PLXNA2: variants seen among roughly 807,000 people sequenced by gnomAD.
PLXNA2 encodes plexin-A2.
In PLXNA2, 91 loss-of-function variants were observed where a neutral mutation model predicts 193.5. The observed-to-expected ratio is 0.47, with a 90% CI of 0.40 to 0.56. PLXNA2 has a LOEUF of 0.56. Among genes scored for constraint, PLXNA2 ranks in the 20% least tolerant of loss-of-function variants. The pLI, the probability that PLXNA2 is intolerant of heterozygous loss-of-function variation, is 0.00. For missense variants in PLXNA2, 1,995 were observed against 2,503.2 expected (o/e 0.80, Z 4.33); for synonymous variants, 997 against 1,027.3 (o/e 0.97, Z 0.56).
intron 3 of PLXNA2, among the ~76,000 whole-genome samples, chr1:208,158,242 A>G (rs1248570373): frequency 6.6e-6 from 1 of 151,838 alleles, no homozygotes; most frequent in Non-Finnish European, 1.5e-5. Context: ...TTTACTCAAA[A>G]TCTCCTCTTA....
intron 4 of PLXNA2, among the ~76,000 whole-genome samples, chr1:208,131,139 G>A (rs755746338): frequency 2.6e-5 from 4 of 152,104 alleles, no homozygotes; most frequent in African/African-American, 7.2e-5. Context: ...CACATACAGA[G>A]GGACCTTGCC....
At chr1:208,160,870 C>T (rs1241950857) in intron 3 of PLXNA2, among the ~76,000 whole-genome samples, 1 of 152,256 alleles carries the variant, frequency 6.6e-6, no homozygotes, top group Non-Finnish European at 1.5e-5. Flanking sequence ...CTCTCCACTG[C>T]TATTTTAAAA....
chr1:208,058,145 G>A (rs547279899), intron 13 of PLXNA2, among the ~76,000 whole-genome samples: 5 of 152,140 alleles, frequency 3.3e-5, no homozygotes, highest in Non-Finnish European at 7.4e-5. Context: ...CATCCATCCC[G>A]CAATGGCTGA....
At chr1:208,179,046 C>T (rs1453508586) in intron 3 of PLXNA2, among the ~76,000 whole-genome samples, 1 of 152,204 alleles carries the variant, frequency 6.6e-6, no homozygotes, top group African/African-American at 2.4e-5. Context: ...CACACAGCAT[C>T]CCCACAAGCA....
At position 208,072,976 on chromosome 1, in the gene PLXNA2, C is replaced by T. The variant is rs142030205; in HGVS notation, c.2586+6284G>A. ...CCAAGGAATAGCCCTCCATCCCCCT[C>T]ACCATGGTGTGGTGGAGGAAGTCGG... On this transcript the variant is annotated intron_variant, in intron 12 of 31. Transcript: ENST00000367033. 2.8e-3 allele frequency among the ~76,000 whole-genome samples: 419 copies of T among 152,346 alleles called. 2 individuals carry two copies. Among genetic ancestry groups the T allele is most frequent in the Non-Finnish European group, 4.4e-3 (302 of 68,032 alleles).
intron 4 of PLXNA2, among the ~76,000 whole-genome samples, chr1:208,118,471 G>T (rs17187106): frequency 0.055 from 8,446 of 152,318 alleles, 278 homozygotes; most frequent in Non-Finnish European, 0.073. Context: ...TAAGGCTGCA[G>T]TCAGGAACTG....
chr1:208,091,916 C>T (rs1447790063), intron 9 of PLXNA2, among the ~76,000 whole-genome samples: 1 of 150,538 alleles, frequency 6.6e-6, no homozygotes, highest in Non-Finnish European at 1.5e-5. Flanking sequence ...GCTACATTGT[C>T]ACTTATTACC....
At chr1:208,101,604 A>C (rs1013425266) in intron 5 of PLXNA2, among the ~76,000 whole-genome samples, 1 of 152,268 alleles carries the variant, frequency 6.6e-6, no homozygotes, top group Non-Finnish European at 1.5e-5. Context: ...GACCTGCACC[A>C]GGAGGAAGAC....
In PLXNA2 at chr1:208,045,894, G is replaced by T; in HGVS notation, c.3479C>A (p.Ser1160Ter). The change falls in exon 18 of 32, where the codon TCG becomes TAG. Residue 1160 changes from serine to a stop codon, truncating the protein, a stop_gained. Transcript: ENST00000367033. LOFTEE classifies it high-confidence loss of function. ...PTGVLDQKPGSPIILKGKNLC... is the reference protein window; with the variant it reads ...PTGVLDQKPG ...CACTCCTACCTTCAGAATGATGGGC[G>T]ATCCTGGCTTTTGATCCAAGACTCC... 6.2e-7 allele frequency: 1 copy of T among 1,614,244 alleles called. No individual in the cohort carries two copies. Among genetic ancestry groups the T allele is most frequent in the Non-Finnish European group, 8.5e-7 (1 of 1,180,030 alleles).
chr1:208,143,381 G>A (rs1027174809), intron 3 of PLXNA2, among the ~76,000 whole-genome samples: 3 of 152,336 alleles, frequency 2.0e-5, no homozygotes, highest in Admixed American at 6.5e-5. Context: ...GGGCATGAGG[G>A]CTGAGAATGT....
At chr1:208,071,758 T>A (rs1665985908) in intron 12 of PLXNA2, among the ~76,000 whole-genome samples, 1 of 152,230 alleles carries the variant, frequency 6.6e-6, no homozygotes, top group Admixed American at 6.5e-5. Context: ...GATGTTATAT[T>A]AATGAGGCCT....
At position 208,211,415 on chromosome 1, in the gene PLXNA2, C is replaced by T. The variant is rs181597541; in HGVS notation, c.1189-953G>A. 5.5e-3 allele frequency among the ~76,000 whole-genome samples: 830 copies of T among 152,194 alleles called. 10 individuals carry two copies. Among genetic ancestry groups the T allele is most frequent in the African/African-American group, 0.019 (792 of 41,540 alleles). ...GAGCAAGTGAAAAAAAAATTGTGGC[C>T]GGGCACGGTGGCTCACGCCTGTAAT... is the stretch of plus-strand genomic sequence containing the variant. On this transcript the variant is annotated intron_variant, in intron 2 of 31. Transcript: ENST00000367033.
chr1:208,175,733 T>C (rs1336104775), intron 3 of PLXNA2, among the ~76,000 whole-genome samples: 1 of 152,192 alleles, frequency 6.6e-6, no homozygotes, highest in East Asian at 1.9e-4. Flanking sequence ...AGGTCATCCA[T>C]AGCCCCAGGG....
chr1:208,211,104 T>A (rs200048899), intron 2 of PLXNA2, among the ~76,000 whole-genome samples: 1 of 152,242 alleles, frequency 6.6e-6, no homozygotes, highest in East Asian at 1.9e-4. Flanking sequence ...GAAAAGTTAA[T>A]CTACCTATGC....
intron 4 of PLXNA2, among the ~76,000 whole-genome samples, chr1:208,133,313 T>C (rs933450584): frequency 2.6e-5 from 4 of 152,256 alleles, no homozygotes; most frequent in Admixed American, 2.6e-4. Context: ...GATTTATCTA[T>C]ACATCATTGC....
At chr1:208,123,055 C>T (rs182496693) in intron 4 of PLXNA2, among the ~76,000 whole-genome samples, 1 of 152,276 alleles carries the variant, frequency 6.6e-6, no homozygotes, top group Admixed American at 6.5e-5. Flanking sequence ...AAACCCCATA[C>T]CCATTAGTAG....
chr1:208,155,499 C>T (rs1668910891), intron 3 of PLXNA2, among the ~76,000 whole-genome samples: 1 of 152,162 alleles, frequency 6.6e-6, no homozygotes, highest in African/African-American at 2.4e-5. Context: ...ATTTTTTTCT[C>T]TTAAAAGAGT....
At chr1:208,120,859 G>A (rs1319637655) in intron 4 of PLXNA2, among the ~76,000 whole-genome samples, 2 of 152,116 alleles carry the variant, frequency 1.3e-5, no homozygotes, top group African/African-American at 4.8e-5. Context: ...TCACCTTTGG[G>A]TCTGAGAGCA....
chr1:208,220,390 T>C (rs967258143), intron 1 of PLXNA2, among the ~76,000 whole-genome samples: 1 of 152,162 alleles, frequency 6.6e-6, no homozygotes, highest in Non-Finnish European at 1.5e-5. Context: ...CCTCTTAGCA[T>C]GGTTGCAGGC....
Sources: gnomAD v4.1 joint callset for allele counts (sites outside exome capture counted in the v4.1 genomes callset) on GRCh38, gnomAD v4.1.1 for gene constraint, MANE v1.5 for transcripts, NCBI Gene and HGNC (gene_info 2026-07-23, HGNC 2026-07-21) for gene names.